The following BCO2 variants were observed in gnomAD, a reference collection of about 807,000 sequenced individuals.
BCO2 encodes the protein beta-carotene oxygenase 2, also known as carotenoid-cleaving dioxygenase, mitochondrial.
BCO2 carries 56 observed loss-of-function variants against 65.8 expected under a neutral mutation model. That is an observed-to-expected ratio of 0.85 (90% CI 0.69 to 1.06). The LOEUF is 1.06. BCO2 is among the 50% of genes least tolerant of loss of function. BCO2 has a pLI of 0.00. For missense variants in BCO2, 675 were observed against 698.5 expected (o/e 0.97, Z 0.38); for synonymous variants, 233 against 242.3 (o/e 0.96, Z 0.36).
intron 2 of BCO2, chr11:112,183,310 A>G (rs1867109009): frequency 3.2e-6 from 2 of 623,956 alleles, no homozygotes; most frequent in Admixed American, 2.8e-5. Context: ...TTAAAAAAAC[A>G]TTTAGAGGAT....
At chr11:112,206,429 T>C (rs945195068) in intron 8 of BCO2, among the ~76,000 whole-genome samples, 1 of 152,218 alleles carries the variant, frequency 6.6e-6, no homozygotes, top group Non-Finnish European at 1.5e-5. Flanking sequence ...TTAATTGGGT[T>C]ATTTGTTTTT....
chr11:112,197,867 A>G (rs978502644), intron 5 of BCO2, among the ~76,000 whole-genome samples: 2 of 152,056 alleles, frequency 1.3e-5, no homozygotes, highest in South Asian at 2.1e-4. Flanking sequence ...AAACACTCCA[A>G]TCGTGCTCCT....
intron 8 of BCO2, among the ~76,000 whole-genome samples, chr11:112,209,429 C>T (rs1006073103): frequency 6.6e-6 from 1 of 152,186 alleles, no homozygotes; most frequent in African/African-American, 2.4e-5. Context: ...CTTGAGAACT[C>T]ATTTCTTTTT....
chr11:112,209,442 C>T (rs1276436433), intron 8 of BCO2, among the ~76,000 whole-genome samples: 4 of 152,170 alleles, frequency 2.6e-5, no homozygotes, highest in African/African-American at 9.7e-5. Context: ...TTCTTTTTAT[C>T]GCTGAAATGT....
intron 2 of BCO2, chr11:112,181,818 T>C (rs1867058936): frequency 4.4e-6 from 4 of 915,220 alleles, no homozygotes; most frequent in Middle Eastern, 3.3e-4. Context: ...TTTAAGCTGC[T>C]GTAATCTTGC....
chr11:112,216,150 T>G, intron 10 of BCO2, 70 bp from the exon 11 acceptor site: 1 of 1,012,370 alleles, frequency 9.9e-7, no homozygotes. Flanking sequence ...ATGCTTGGAG[T>G]GACAAAAGCC....
At chr11:112,215,426 T>G (rs983504987) in intron 10 of BCO2, 1 of 165,112 alleles carries the variant, frequency 6.1e-6, no homozygotes, top group African/African-American at 2.4e-5. Context: ...GAAAAGAGGT[T>G]TAGGCTGGGT....
rs1867125475 is a variant in BCO2 at position 112,183,809 on chromosome 11, A to G, written c.293+4327A>G. Among the ~76,000 whole-genome samples, 3 of 152,366 alleles carry G rather than the reference A, an allele frequency of 2.0e-5. No homozygotes were observed. The South Asian group carries it at 6.2e-4, about 32-fold the overall frequency. ...AAAACAGTAGCTAAATTAAAGTAATATCCAGTTCTTACTGATTGAAACAGA... is the reference window on the plus strand; with the variant it reads ...AAAACAGTAGCTAAATTAAAGTAATGTCCAGTTCTTACTGATTGAAACAGA... On this transcript the variant is annotated intron_variant, in intron 2 of 11. Coordinates refer to ENST00000357685, the MANE Select transcript of BCO2 (RefSeq NM_031938.7).
chr11:112,212,342 A>G (rs927444530), intron 8 of BCO2, among the ~76,000 whole-genome samples: 2 of 152,216 alleles, frequency 1.3e-5, no homozygotes, highest in Non-Finnish European at 2.9e-5. Flanking sequence ...AGGATTCATA[A>G]GACTCAAAAT....
chr11:112,202,096 G>A lies in BCO2; in HGVS notation c.1100G>A (p.Cys367Tyr). The change falls in exon 8 of 12, where the codon TGT becomes TAT. Residue 367 changes from cysteine (C) to tyrosine (Y), a missense_variant. By Grantham distance (194) the Cys-to-Tyr change is radical. Coordinates refer to ENST00000357685, the MANE Select transcript of BCO2 (RefSeq NM_031938.7). ...HQINAFEDQG[C>Y]VIIDLCCQDN... ...ATCAATGCCTTTGAGGACCAGGGCT[G>A]TGTTATAATTGATTTGTGCTGTCAA... 1.2e-6 allele frequency: 2 copies of A among 1,613,930 alleles called. No individual in the cohort carries two copies. The highest frequency in any genetic ancestry group is 1.1e-5 in the South Asian group (1 of 91,062).
Position 112,200,107 on chromosome 11 carries a change from C to A in BCO2, c.865+280C>A, listed in dbSNP as rs371379304. On this transcript the variant is annotated intron_variant, in intron 6 of 11. Coordinates refer to ENST00000357685, the MANE Select transcript of BCO2 (RefSeq NM_031938.7). ...AAATTTTAGGCAACCTTAAAGCCCA[C>A]AAATAGTAATCATACATGAAAATGT... 3.3e-5 allele frequency among the ~76,000 whole-genome samples: 5 copies of A among 152,270 alleles called. No individual in the cohort carries two copies. The East Asian group carries it at 9.6e-4, about 29-fold the overall frequency.
chr11:112,183,260 C>T (rs1867106488), intron 2 of BCO2: 4 of 730,626 alleles, frequency 5.5e-6, no homozygotes, highest in Non-Finnish European at 1.0e-5. Flanking sequence ...CTTTCTCCAT[C>T]CACTCAGTTG....
chr11:112,217,543 A>G (rs1342679091), intron 11 of BCO2, among the ~76,000 whole-genome samples: 1 of 151,894 alleles, frequency 6.6e-6, no homozygotes, highest in Non-Finnish European at 1.5e-5. Flanking sequence ...TGTATTTTTT[A>G]TAGAGATGGG....
chr11:112,176,280 C>T (rs947493268), intron 1 of BCO2: 3 of 152,752 alleles, frequency 2.0e-5, no homozygotes, highest in Non-Finnish European at 4.4e-5. Context: ...AGACCCTGTA[C>T]TCAAGGAGTA....
In BCO2 at chr11:112,214,743, C is replaced by T. The variant is rs773547640; in HGVS notation, c.1333-19C>T. The T allele has an allele frequency of 1.9e-6, 3 of 1,604,158 alleles. No individual in the cohort carries two copies. Among genetic ancestry groups the T allele is most frequent in the Admixed American group, 3.4e-5 (2 of 59,582 alleles). On this transcript the variant is annotated intron_variant, in intron 9 of 11. Transcript: ENST00000357685. ...AAGAATTAAGCAACCACTACAAATCCTTTTGAAATCTCTTTTAGATCTGGT... is the reference window on the plus strand; with the variant it reads ...AAGAATTAAGCAACCACTACAAATCTTTTTGAAATCTCTTTTAGATCTGGT...
chr11:112,202,037 A>T lies in BCO2; in HGVS notation c.1041A>T (p.Arg347Ser). The T allele has an allele frequency of 6.3e-7, 1 of 1,593,250 alleles. No individual in the cohort carries two copies. The highest frequency in any genetic ancestry group is 8.5e-7 in the Non-Finnish European group (1 of 1,171,828). Reference sequence around the variant, plus strand: ...TTCCCCTGCAGCTCCTTCCAGGGAGATACTACAGCAAACCTTTTGTTACAT... The same window carrying T: ...TTCCCCTGCAGCTCCTTCCAGGGAGTTACTACAGCAAACCTTTTGTTACAT... ...EKRTGQLLPG[R>S]YYSKPFVTFH... Residue 347 changes from arginine (R) to serine (S), a missense_variant, in exon 8 of 12, where the codon AGA becomes AGT. Arg to Ser is a moderately radical substitution (Grantham distance 110). Coordinates refer to ENST00000357685, the MANE Select transcript of BCO2 (RefSeq NM_031938.7).
chr11:112,211,319 TACAC>T (rs71060232), intron 8 of BCO2, among the ~76,000 whole-genome samples: 6,093 of 128,334 alleles, frequency 0.047, 205 homozygotes, highest in African/African-American at 0.12. Flanking sequence ...TTCGATTGTA[TACAC>T]ACACACACAC....
intron 2 of BCO2, 148 bp downstream of exon 2, chr11:112,179,630 G>A (rs1230066613): frequency 6.8e-6 from 5 of 731,692 alleles, no homozygotes; most frequent in African/African-American, 3.6e-5. Flanking sequence ...TAGAGGAGAA[G>A]AAAGGAGACT....
At chr11:112,209,393 T>G (rs886886779) in intron 8 of BCO2, among the ~76,000 whole-genome samples, 2 of 152,244 alleles carry the variant, frequency 1.3e-5, no homozygotes, top group African/African-American at 2.4e-5. Context: ...CAATATGCAT[T>G]TAAGGTTCCT....
Sources: gnomAD v4.1 joint callset for allele counts (sites outside exome capture counted in the v4.1 genomes callset) on GRCh38, gnomAD v4.1.1 for gene constraint, MANE v1.5 for transcripts, NCBI Gene and HGNC (gene_info 2026-07-23, HGNC 2026-07-21) for gene names.